The following NTRK2 variants were observed in gnomAD, a reference collection of about 807,000 sequenced individuals.
NTRK2 encodes BDNF/NT-3 growth factors receptor.
In NTRK2, 13 loss-of-function variants were observed where a neutral mutation model predicts 94.5. That is an observed-to-expected ratio of 0.14 (90% CI 0.09 to 0.22). The LOEUF (loss-of-function observed/expected upper bound fraction) is 0.22, where lower values mean the gene tolerates loss of function less well. NTRK2 is among the 10% of genes least tolerant of loss of function. NTRK2 has a pLI of 1.00. For missense variants in NTRK2, 639 were observed against 1,071.2 expected, an observed-to-expected ratio of 0.60 and a Z score of 5.63; for synonymous variants, 372 against 407.4, an observed-to-expected ratio of 0.91 and a Z score of 1.05.
At chr9:84,809,899 A>AAAG (rs1554737895) in intron 12 of NTRK2, among the ~76,000 whole-genome samples, 8 of 148,658 alleles carry the variant, frequency 5.4e-5, no homozygotes, top group African/African-American at 2.0e-4. Context: ...AAAAAAAAAA[A>AAAG]AAAGAAAGAA....
At chr9:84,747,473 G>GTTTTTTT (rs766939495) in intron 11 of NTRK2, among the ~76,000 whole-genome samples, 2 of 122,364 alleles carry the variant, frequency 1.6e-5, no homozygotes, top group African/African-American at 3.2e-5. Context: ...AGTTTTCTGG[G>GTTTTTTT]TTTTTTTTTT....
intron 12 of NTRK2, among the ~76,000 whole-genome samples, chr9:84,779,069 T>C (rs1388398280): frequency 6.6e-6 from 1 of 152,210 alleles, no homozygotes; most frequent in Non-Finnish European, 1.5e-5. Flanking sequence ...TAATATTGAT[T>C]AGAAGGCTTC....
intron 12 of NTRK2, among the ~76,000 whole-genome samples, chr9:84,780,224 T>C (rs1369766811): frequency 6.6e-6 from 1 of 152,160 alleles, no homozygotes; most frequent in Non-Finnish European, 1.5e-5. Flanking sequence ...TTGTTTGTTT[T>C]TGTAAATAAA....
intron 13 of NTRK2, among the ~76,000 whole-genome samples, chr9:84,862,615 A>G (rs1251260288): frequency 6.6e-6 from 1 of 152,202 alleles, no homozygotes; most frequent in Non-Finnish European, 1.5e-5. Context: ...ATTATTTTTC[A>G]AGTTTGGTGA....
At chr9:84,992,577 G>A (rs1184483495) in intron 17 of NTRK2, among the ~76,000 whole-genome samples, 3 of 152,064 alleles carry the variant, frequency 2.0e-5, no homozygotes, top group African/African-American at 7.2e-5. Flanking sequence ...GTCTGGCACC[G>A]TGCCTGGCAA....
At position 84,753,386 on chromosome 9, in the gene NTRK2, T is replaced by C. The variant is rs115044442; in HGVS notation, c.1396+1301T>C. Among the ~76,000 whole-genome samples the C allele has an allele frequency of 4.6e-3, 698 of 152,272 alleles. 8 individuals carry two copies. Among genetic ancestry groups the C allele is most frequent in the African/African-American group, 0.016 (661 of 41,552 alleles). On this transcript the variant is annotated intron_variant, in intron 12 of 18. Coordinates refer to ENST00000277120, the MANE Select transcript of NTRK2 (RefSeq NM_006180.6). ...AAAACACAGATTCCTGGGCTACCCC[T>C]AGAGTTTCTGCTTTAGCAGGCCTAG...
chr9:84,991,400 G>T (rs1369098639), intron 17 of NTRK2, among the ~76,000 whole-genome samples: 3 of 152,192 alleles, frequency 2.0e-5, no homozygotes, highest in Non-Finnish European at 4.4e-5. Context: ...AAGTCTCTCA[G>T]TGCCAGGCCC....
chr9:84,981,696 A>T (rs978189735), intron 17 of NTRK2, among the ~76,000 whole-genome samples: 4 of 152,340 alleles, frequency 2.6e-5, no homozygotes, highest in East Asian at 1.9e-4. Context: ...TTGTATTTTT[A>T]AAAAATAGCA....
rs546638067 is a variant in NTRK2, at chr9:85,008,264, T to C, written c.2173-11942T>C. 4.6e-5 allele frequency among the ~76,000 whole-genome samples: 7 copies of C among 152,202 alleles called. No homozygotes were observed. The East Asian group carries it at 1.2e-3, about 25-fold the overall frequency. On this transcript the variant is annotated intron_variant, in intron 17 of 18. Transcript: ENST00000277120. ...ATGGCATTGATTCTGTCTTGCATTA[T>C]GGCCATAGAACAAACTCTGGAGGGC...
chr9:84,875,316 C>T (rs201244837), intron 14 of NTRK2: 27 of 1,059,302 alleles, frequency 2.5e-5, no homozygotes, highest in African/African-American at 1.3e-4. Context: ...GGGTTAAGAG[C>T]GGGGGTCTGG....
chr9:84,688,094 C>T (rs1034555890), intron 2 of NTRK2, among the ~76,000 whole-genome samples: 1 of 152,150 alleles, frequency 6.6e-6, no homozygotes, highest in African/African-American at 2.4e-5. Flanking sequence ...CCTGCTCAGG[C>T]CGTAGGAGTG....
intron 15 of NTRK2, among the ~76,000 whole-genome samples, chr9:84,941,778 C>G (rs186833271): frequency 1.3e-4 from 20 of 152,266 alleles, no homozygotes; most frequent in Admixed American, 1.1e-3. Flanking sequence ...TTGACAGTTG[C>G]TACGAATTAG....
intron 12 of NTRK2, among the ~76,000 whole-genome samples, chr9:84,832,495 G>C (rs931270871): frequency 1.3e-5 from 2 of 152,218 alleles, no homozygotes; most frequent in African/African-American, 4.8e-5. Flanking sequence ...GCAGTAAGAG[G>C]ATAAAAGCAG....
At chr9:84,710,476 G>A (rs2061360565) in intron 5 of NTRK2, among the ~76,000 whole-genome samples, 161 bp from the exon 6 acceptor site, 1 of 152,212 alleles carries the variant, frequency 6.6e-6, no homozygotes, top group African/African-American at 2.4e-5. Context: ...GTAAGTATCA[G>A]ATAAATGAAG....
chr9:84,670,689 G>C lies in NTRK2; in HGVS notation c.-60G>C. On this transcript the variant is annotated 5_prime_UTR_variant, in exon 2 of 19. Transcript: ENST00000277120. ...GCAGGGAAGGCCTCCCCGCACGGGT[G>C]GGGGAAAGCGGCCGGTGCAGCGCGG... The C allele has an allele frequency of 2.6e-6, 4 of 1,552,560 alleles. No individual in the cohort carries two copies. The South Asian group carries it at 3.3e-5, about 13-fold the overall frequency.
At chr9:85,007,379 C>T (rs563175457) in intron 17 of NTRK2, among the ~76,000 whole-genome samples, 1 of 152,284 alleles carries the variant, frequency 6.6e-6, no homozygotes, top group African/African-American at 2.4e-5. Flanking sequence ...AGCACAAGAC[C>T]AGCAAAGTTG....
intron 12 of NTRK2, among the ~76,000 whole-genome samples, chr9:84,784,257 T>C (rs2067903581): frequency 1.3e-5 from 2 of 152,222 alleles, no homozygotes. Context: ...AGATACATAG[T>C]GATGCGTGAT....
intron 4 of NTRK2, among the ~76,000 whole-genome samples, chr9:84,703,216 A>G (rs1197123390): frequency 6.6e-6 from 1 of 152,176 alleles, no homozygotes; most frequent in East Asian, 1.9e-4. Context: ...TGTTGCCTGC[A>G]TTTATTGATT....
At chr9:84,853,508 C>A (rs1031565164) in intron 12 of NTRK2, among the ~76,000 whole-genome samples, 1 of 152,154 alleles carries the variant, frequency 6.6e-6, no homozygotes, top group Non-Finnish European at 1.5e-5. Flanking sequence ...TTGCAAAATA[C>A]ATAATGGTTT....
Sources: allele counts gnomAD v4.1 joint callset (sites outside exome capture counted in the v4.1 genomes callset), GRCh38; gene constraint gnomAD v4.1.1; transcripts MANE v1.5; gene names NCBI Gene and HGNC (gene_info 2026-07-23, HGNC 2026-07-21).